Variants in DUSP19 observed in about 807,000 individuals in gnomAD.
DUSP19 encodes dual specificity protein phosphatase 19.
Under a neutral mutation model 16.6 loss-of-function variants are expected in DUSP19, and 14 were observed. The ratio of observed to expected loss-of-function variants is 0.84; its 90% CI spans 0.56 to 1.32. The LOEUF (loss-of-function observed/expected upper bound fraction) is 1.32, where lower values mean the gene tolerates loss of function less well. Ranked by LOEUF, DUSP19 falls within the 40% of genes most tolerant of loss-of-function variation. DUSP19 has a pLI of 0.00. For synonymous variants in DUSP19, 81 were observed against 90.5 expected, an observed-to-expected ratio of 0.90 and a Z score of 0.59; for missense variants, 258 against 255.9, an observed-to-expected ratio of 1.01 and a Z score of -0.06.
At chr2:183,088,395 GTGTTTTTTTTTTT>G (rs1699689490) in intron 3 of DUSP19, among the ~76,000 whole-genome samples, 12 of 140,244 alleles carry the variant, frequency 8.6e-5, no homozygotes, top group East Asian at 8.3e-4. Flanking sequence ...TTTGTTTTTT[GTGTTTTTTTTTTT>G]TGTTTTTTTT....
In DUSP19 at chr2:183,095,887, T is replaced by C. The variant is rs564931675; in HGVS notation, c.*229T>C. The C allele has an allele frequency of 8.3e-5, 26 of 313,940 alleles. No individual in the cohort carries two copies. The highest frequency in any genetic ancestry group is 2.9e-5 in the Non-Finnish European group (5 of 171,544). 19.4% of individuals were successfully genotyped at this position (313,940 alleles called of 1,614,324 possible). A position where few individuals can be genotyped will look rare whatever the true frequency, so the allele number is the denominator to read the frequency against. On this transcript the variant is annotated 3_prime_UTR_variant, in exon 4 of 4. Coordinates refer to ENST00000354221, the MANE Select transcript of DUSP19 (RefSeq NM_080876.4). ...GTGATTAAATGCTTTTTTAAATTGC[T>C]AAGGGAAAATAACAAAGTGTTAGTA...
rs1320059724 is a variant in DUSP19 at position 183,095,519 on chromosome 2, CA to C, written c.516del (p.Phe173LeufsTer8). Reference sequence around the variant, plus strand: ...TTCCTGATGAATTCTGAACAAACCTCATTTACCAGTGCTTTTTCTTTGGTGA... The same window carrying C: ...TTCCTGATGAATTCTGAACAAACCTCTTTACCAGTGCTTTTTCTTTGGTGA... ...IGFLMNSEQT[S>X]FTSAFSLVKN... On this transcript the variant is annotated frameshift_variant, in exon 4 of 4. Transcript: ENST00000354221. LOFTEE classifies it high-confidence loss of function. 6.2e-7 allele frequency: 1 copy of C among 1,613,694 alleles called. No homozygotes were observed. The highest frequency in any genetic ancestry group is 8.5e-7 in the Non-Finnish European group (1 of 1,179,896).
At chr2:183,095,367 C>A in intron 3 of DUSP19, 64 bp from the exon 4 acceptor site, 2 of 1,292,960 alleles carry the variant, frequency 1.5e-6, no homozygotes, top group Non-Finnish European at 2.2e-6. Flanking sequence ...TAAGAATGTG[C>A]AATTGATATA....
intron 3 of DUSP19, among the ~76,000 whole-genome samples, chr2:183,090,890 C>T (rs1351821104): frequency 2.6e-5 from 4 of 152,168 alleles, no homozygotes; most frequent in African/African-American, 9.6e-5. Context: ...CCTCTTGGCA[C>T]ATTCTTGGAT....
Position 183,098,984 on chromosome 2 carries a change from A to G in DUSP19, c.*3326A>G, listed in dbSNP as rs1317279807. On this transcript the variant is annotated 3_prime_UTR_variant, in exon 4 of 4. Transcript: ENST00000354221. ...GTACAGTATTTAACATTTTGTTTGC[A>G]ATTTTACTTTTTCTTCCCTTCTTCC... 6.6e-6 allele frequency: 1 copy of G among 152,166 alleles called. No individual in the cohort carries two copies. Among genetic ancestry groups the G allele is most frequent in the African/African-American group, 2.4e-5 (1 of 41,454 alleles). 9.4% of individuals were successfully genotyped at this position (152,166 alleles called of 1,614,324 possible).
chr2:183,082,953 G>A (rs1454233412), intron 1 of DUSP19, among the ~76,000 whole-genome samples: 4 of 151,166 alleles, frequency 2.6e-5, no homozygotes, highest in Non-Finnish European at 5.9e-5. Flanking sequence ...CGAGGCTGGA[G>A]TGCAGTGGCA....
chr2:183,082,054 CAGAA>C (rs1346301878), intron 1 of DUSP19, among the ~76,000 whole-genome samples: 2 of 152,154 alleles, frequency 1.3e-5, no homozygotes, highest in African/African-American at 4.8e-5. Flanking sequence ...CCGGCTGTGA[CAGAA>C]AGAGATTGTA....
chr2:183,085,318 C>T (rs1182164306), intron 2 of DUSP19, among the ~76,000 whole-genome samples: 1 of 151,886 alleles, frequency 6.6e-6, no homozygotes, highest in African/African-American at 2.4e-5. Flanking sequence ...AAAGAAGAGT[C>T]CGCAGTGGGA....
intron 2 of DUSP19, among the ~76,000 whole-genome samples, chr2:183,084,067 A>G (rs985084177): frequency 6.6e-6 from 1 of 152,184 alleles, no homozygotes; most frequent in Non-Finnish European, 1.5e-5. Flanking sequence ...ATTCTTGTTC[A>G]CTTGAAGCGT....
At chr2:183,087,284 CT>C in intron 3 of DUSP19, 92 bp downstream of exon 3, 2 of 1,233,322 alleles carry the variant, frequency 1.6e-6, no homozygotes, top group Non-Finnish European at 2.2e-6. Context: ...TAATGAATCT[CT>C]AAAAAACAAT....
At chr2:183,083,461 A>C (rs1313220378) in intron 1 of DUSP19, 47 bp from the exon 2 acceptor site, 1 of 1,513,868 alleles carries the variant, frequency 6.6e-7, no homozygotes, top group Non-Finnish European at 9.0e-7. Context: ...ATAAAAGTTC[A>C]AGATGATTAT....
chr2:183,091,737 T>G (rs1052136384), intron 3 of DUSP19, among the ~76,000 whole-genome samples: 2 of 152,222 alleles, frequency 1.3e-5, no homozygotes, highest in Non-Finnish European at 2.9e-5. Flanking sequence ...CCCATCTGCA[T>G]GCAGAAAAGG....
At chr2:183,081,099 A>G (rs1360908774) in intron 1 of DUSP19, among the ~76,000 whole-genome samples, 1 of 152,232 alleles carries the variant, frequency 6.6e-6, no homozygotes, top group Non-Finnish European at 1.5e-5. Flanking sequence ...GTAAAAATGT[A>G]ATCTTTTTTA....
At chr2:183,079,840 T>G (rs1699570033) in intron 1 of DUSP19, among the ~76,000 whole-genome samples, 1 of 152,224 alleles carries the variant, frequency 6.6e-6, no homozygotes, top group South Asian at 2.1e-4. Context: ...AAGAATGTTT[T>G]CAAGTACGTC....
chr2:183,095,482 A>G lies in DUSP19; in HGVS notation c.478A>G (p.Ile160Val), dbSNP rs113637602. Reference protein sequence around the residue: ...CNAGVSRAAAIVIGFLMNSEQ... With the variant: ...CNAGVSRAAAVVIGFLMNSEQ... ...TGCAGGCGTTTCCAGGGCTGCTGCA[A>G]TTGTAATAGGTTTCCTGATGAATTC... The change falls in exon 4 of 4, where the codon ATT (isoleucine) becomes GTT (valine). Residue 160 changes from isoleucine to valine, a missense_variant. Ile to Val is a conservative substitution (Grantham distance 29). Coordinates refer to ENST00000354221, the MANE Select transcript of DUSP19 (RefSeq NM_080876.4). The G allele has an allele frequency of 3.1e-5, 50 of 1,613,796 alleles. No individual in the cohort carries two copies. The East Asian group carries it at 1.0e-3, about 32-fold the overall frequency.
rs995630106 is a variant in DUSP19, at chr2:183,097,873, G to A, written c.*2215G>A. ...GCTCATGTATTATTATTATTTTTGA[G>A]ATGGAGTTTTGCTCTTAATGATATT... On this transcript the variant is annotated 3_prime_UTR_variant, in exon 4 of 4. Transcript: ENST00000354221. 6.6e-6 allele frequency: 1 copy of A among 152,086 alleles called. No homozygotes were observed. Among genetic ancestry groups the A allele is most frequent in the Non-Finnish European group, 1.5e-5 (1 of 68,028 alleles). 9.4% of individuals were successfully genotyped at this position (152,086 alleles called of 1,614,324 possible). A position where few individuals can be genotyped will look rare whatever the true frequency, so the allele number is the denominator to read the frequency against.
intron 2 of DUSP19, among the ~76,000 whole-genome samples, chr2:183,086,002 T>C (rs1699657414): frequency 6.6e-6 from 1 of 151,662 alleles, no homozygotes; most frequent in Admixed American, 6.6e-5. Context: ...TAATGGACTG[T>C]CTGCCTGGCT....
At chr2:183,086,041 A>G (rs1028049209) in intron 2 of DUSP19, among the ~76,000 whole-genome samples, 1 of 151,736 alleles carries the variant, frequency 6.6e-6, no homozygotes, top group South Asian at 2.1e-4. Flanking sequence ...GGACTCTAGG[A>G]AAAGGGGCTC....
At chr2:183,082,961 G>C (rs1017382250) in intron 1 of DUSP19, among the ~76,000 whole-genome samples, 1 of 151,166 alleles carries the variant, frequency 6.6e-6, no homozygotes, top group African/African-American at 2.4e-5. Context: ...GAGTGCAGTG[G>C]CATAACCATA....
Sources: allele counts gnomAD v4.1 joint callset (sites outside exome capture counted in the v4.1 genomes callset), GRCh38; gene constraint gnomAD v4.1.1; transcripts MANE v1.5; gene names NCBI Gene and HGNC (gene_info 2026-07-23, HGNC 2026-07-21).